Variants in TRPM3 observed in about 807,000 individuals in gnomAD.
The protein encoded by TRPM3 is long transient receptor potential channel 3.
Under a neutral mutation model 181.2 loss-of-function variants are expected in TRPM3, and 77 were observed. The ratio of observed to expected loss-of-function variants is 0.42; its 90% CI spans 0.35 to 0.51. The LOEUF is 0.51. Among genes scored for constraint, TRPM3 ranks in the 20% least tolerant of loss-of-function variants. The pLI is 0.01. For synonymous variants in TRPM3, 745 were observed against 796.4 expected (o/e 0.94, Z 1.09); for missense variants, 1,759 against 2,196.7 (o/e 0.80, Z 3.98).
intron 1 of TRPM3, among the ~76,000 whole-genome samples, chr9:70,942,437 A>G (rs1255645276): frequency 7.9e-5 from 12 of 152,342 alleles, no homozygotes. Context: ...AGAGGTGAGC[A>G]TCTCAGCCAT....
At chr9:70,997,664 G>A (rs1270996872) in intron 1 of TRPM3, among the ~76,000 whole-genome samples, 2 of 152,066 alleles carry the variant, frequency 1.3e-5, no homozygotes, top group African/African-American at 4.8e-5. Flanking sequence ...ATGTTTTGCA[G>A]GGCGCCTAAT....
intron 9 of TRPM3, among the ~76,000 whole-genome samples, chr9:70,679,860 C>T (rs11142546): frequency 0.048 from 7,307 of 152,156 alleles, 280 homozygotes; most frequent in Non-Finnish European, 0.079. Context: ...TAACTTGCCT[C>T]AAATTTTTAT....
intron 1 of TRPM3, among the ~76,000 whole-genome samples, chr9:70,976,833 C>T (rs2909300): frequency 0.72 from 108,727 of 152,026 alleles, 38,894 homozygotes; most frequent in South Asian, 0.74. Flanking sequence ...TAGTGACTGC[C>T]TCAAAAGTGG....
intron 1 of TRPM3, among the ~76,000 whole-genome samples, chr9:71,229,911 G>A (rs2080937082): frequency 6.6e-6 from 1 of 152,088 alleles, no homozygotes; most frequent in African/African-American, 2.4e-5. Flanking sequence ...ACTACCACCT[G>A]ATCCAGCAAT....
chr9:71,053,056 C>T (rs752106099), intron 1 of TRPM3, among the ~76,000 whole-genome samples: 2 of 116,876 alleles, frequency 1.7e-5, no homozygotes, highest in Non-Finnish European at 3.3e-5. Flanking sequence ...TCCTAACCAG[C>T]GAATAAGTAT....
At chr9:70,877,804 A>AACACACAC (rs5898169) in intron 1 of TRPM3, among the ~76,000 whole-genome samples, 13,051 of 146,142 alleles carry the variant, frequency 0.089, 692 homozygotes, top group Middle Eastern at 0.15. Flanking sequence ...AAAATCATAA[A>AACACACAC]ACACACACAC....
At chr9:70,621,432 A>G (rs1039853626) in intron 14 of TRPM3, among the ~76,000 whole-genome samples, 159 bp from the exon 15 acceptor site, 2 of 151,946 alleles carry the variant, frequency 1.3e-5, no homozygotes, top group African/African-American at 4.8e-5. Flanking sequence ...AGGCATGATC[A>G]TGGTTCACTG....
intron 1 of TRPM3, among the ~76,000 whole-genome samples, chr9:71,096,626 C>CT (rs2067322862): frequency 2.6e-5 from 3 of 114,708 alleles, no homozygotes; most frequent in African/African-American, 4.0e-5. Flanking sequence ...TCTCTCTCTC[C>CT]CCCTCTCCCT....
At chr9:71,190,199 G>C (rs2077929370) in intron 1 of TRPM3, among the ~76,000 whole-genome samples, 1 of 151,874 alleles carries the variant, frequency 6.6e-6, no homozygotes, top group Non-Finnish European at 1.5e-5. Flanking sequence ...GCTGCGCAAT[G>C]TGGGCAAGGC....
intron 22 of TRPM3, among the ~76,000 whole-genome samples, chr9:70,561,657 A>AC (rs2049123005): frequency 6.6e-6 from 1 of 152,170 alleles, no homozygotes; most frequent in South Asian, 2.1e-4. Context: ...TAACCCAAAC[A>AC]CTAGGTAAGA....
At chr9:70,937,752 A>T (rs17056028) in intron 1 of TRPM3, among the ~76,000 whole-genome samples, 14,065 of 151,918 alleles carry the variant, frequency 0.093, 761 homozygotes, top group African/African-American at 0.15. Flanking sequence ...CTCCTTTTTC[A>T]AACAAAGCTC....
intron 7 of TRPM3, among the ~76,000 whole-genome samples, chr9:70,779,000 A>G (rs920349803): frequency 5.3e-5 from 8 of 152,268 alleles, no homozygotes; most frequent in African/African-American, 1.7e-4. Context: ...ATATAGTTAC[A>G]TAATTTGAAG....
At chr9:70,638,978 G>C (rs952968771) in intron 11 of TRPM3, 82 bp downstream of exon 11, 3 of 1,480,370 alleles carry the variant, frequency 2.0e-6, no homozygotes, top group African/African-American at 2.8e-5. Flanking sequence ...GAAGGGAAGA[G>C]AATCACAGGC....
intron 22 of TRPM3, among the ~76,000 whole-genome samples, chr9:70,557,559 T>G (rs905302328): frequency 6.6e-6 from 1 of 152,218 alleles, no homozygotes; most frequent in Non-Finnish European, 1.5e-5. Context: ...CTTAAAACCC[T>G]GATAAGCAGC....
chr9:70,603,546 C>A lies in TRPM3; in HGVS notation c.2668-76G>T, dbSNP rs2060468162. 9.1e-6 allele frequency: 14 copies of A among 1,534,788 alleles called. No individual in the cohort carries two copies. In the South Asian group the frequency reaches 1.7e-4, roughly 19 times the overall value. The stretch of plus-strand genomic sequence containing the variant: ...AGCATCAGCCAAGGCCACTGCACAG[C>A]AGCACAGAGCAGGGTCAGCAAGCAG... On this transcript the variant is annotated intron_variant, in intron 19 of 25. Transcript: ENST00000677713.
chr9:70,928,153 C>A (rs1028711490), intron 1 of TRPM3, among the ~76,000 whole-genome samples: 2 of 152,108 alleles, frequency 1.3e-5, no homozygotes, highest in African/African-American at 4.8e-5. Flanking sequence ...AATGCCACTT[C>A]CGTGACTTAT....
chr9:71,145,559 G>A (rs1036580685), intron 1 of TRPM3, among the ~76,000 whole-genome samples: 2 of 152,120 alleles, frequency 1.3e-5, no homozygotes, highest in African/African-American at 4.8e-5. Context: ...CTAGGAAAAG[G>A]AAATGCAGAT....
At chr9:71,446,831 C>G in exon 1 of TRPM3, 1 of 1,540,824 alleles carries the variant, frequency 6.5e-7, no homozygotes, top group Non-Finnish European at 8.8e-7. Flanking sequence ...CCACTTCTTC[C>G]CCATGAGAAG....
chr9:70,745,976 A>G (rs1180335990), intron 8 of TRPM3, among the ~76,000 whole-genome samples: 1 of 152,194 alleles, frequency 6.6e-6, no homozygotes, highest in Non-Finnish European at 1.5e-5. Flanking sequence ...TATATGTAGA[A>G]TAATTGTAGT....
Sources: gnomAD v4.1 joint callset for allele counts (sites outside exome capture counted in the v4.1 genomes callset) on GRCh38, gnomAD v4.1.1 for gene constraint, MANE v1.5 for transcripts, NCBI Gene and HGNC (gene_info 2026-07-23, HGNC 2026-07-21) for gene names.